Variants in DENND1B observed in about 807,000 individuals in gnomAD.
The protein encoded by DENND1B is DENN domain-containing protein 1B.
A neutral mutation model predicts 90.1 loss-of-function variants in DENND1B; 59 were observed. That is an observed-to-expected ratio of 0.65 (90% CI 0.53 to 0.81). The LOEUF (loss-of-function observed/expected upper bound fraction) is 0.81, where lower values mean the gene tolerates loss of function less well. Ranked by LOEUF, DENND1B falls within the 40% of genes least tolerant of loss-of-function variation. DENND1B has a pLI of 0.00. For missense variants in DENND1B, 862 were observed against 912.6 expected (o/e 0.94, Z 0.71); for synonymous variants, 337 against 324.6 (o/e 1.04, Z -0.41).
chr1:197,761,317 T>C (rs1045189832), intron 2 of DENND1B, among the ~76,000 whole-genome samples: 1 of 152,142 alleles, frequency 6.6e-6, no homozygotes, highest in South Asian at 2.1e-4. Context: ...CTAAATATTA[T>C]ATTACTTCCT....
intron 3 of DENND1B, among the ~76,000 whole-genome samples, chr1:197,685,934 T>A (rs187136972): frequency 6.6e-6 from 1 of 152,324 alleles, no homozygotes; most frequent in Admixed American, 6.5e-5. Flanking sequence ...GCTGAGTTTA[T>A]AAGTGAAGAT....
intron 3 of DENND1B, among the ~76,000 whole-genome samples, chr1:197,696,429 T>C (rs569528066): frequency 1.3e-5 from 2 of 151,642 alleles, no homozygotes; most frequent in East Asian, 3.9e-4. Flanking sequence ...ACATACTAGG[T>C]TGTCAGTATA....
intron 19 of DENND1B, among the ~76,000 whole-genome samples, chr1:197,540,644 A>G (rs564413038): frequency 1.1e-4 from 17 of 152,196 alleles, no homozygotes; most frequent in Non-Finnish European, 1.8e-4. Flanking sequence ...TTTTAAAAAT[A>G]TTCTTAGCAT....
At chr1:197,750,043 C>T (rs926469702) in intron 2 of DENND1B, among the ~76,000 whole-genome samples, 1 of 152,012 alleles carries the variant, frequency 6.6e-6, no homozygotes, top group Non-Finnish European at 1.5e-5. Flanking sequence ...GATGAGGTCT[C>T]GCTATTTTGG....
At chr1:197,581,525 G>A (rs1179447420) in intron 15 of DENND1B, among the ~76,000 whole-genome samples, 2 of 152,290 alleles carry the variant, frequency 1.3e-5, no homozygotes, top group East Asian at 1.9e-4. Flanking sequence ...GTGTACATGT[G>A]TTAATTCACA....
At chr1:197,513,663 A>G (rs1668192586) in intron 20 of DENND1B, among the ~76,000 whole-genome samples, 1 of 151,658 alleles carries the variant, frequency 6.6e-6, no homozygotes, top group African/African-American at 2.4e-5. Flanking sequence ...TAGCAAGTTA[A>G]TAATTTTTCT....
chr1:197,513,847 A>G (rs1353323995), intron 20 of DENND1B, among the ~76,000 whole-genome samples: 1 of 151,544 alleles, frequency 6.6e-6, no homozygotes, highest in Non-Finnish European at 1.5e-5. Context: ...TAAGCCATCC[A>G]TACCCTTTAA....
intron 10 of DENND1B, among the ~76,000 whole-genome samples, chr1:197,632,308 C>A (rs1227324803): frequency 1.3e-5 from 2 of 152,068 alleles, no homozygotes; most frequent in Non-Finnish European, 2.9e-5. Flanking sequence ...CTGTTTATAT[C>A]CCCAGATAGA....
intron 1 of DENND1B, among the ~76,000 whole-genome samples, chr1:197,773,982 T>C (rs142354897): frequency 3.9e-5 from 6 of 152,354 alleles, no homozygotes; most frequent in African/African-American, 1.2e-4. Flanking sequence ...GAAGCTTTTC[T>C]TATAAGATAT....
At chr1:197,617,388 T>G (rs1677750433) in intron 11 of DENND1B, among the ~76,000 whole-genome samples, 1 of 151,072 alleles carries the variant, frequency 6.6e-6, no homozygotes, top group South Asian at 2.1e-4. Flanking sequence ...AACTTAAGAC[T>G]GTTATTTTTT....
chr1:197,581,791 A>G (rs185398848), intron 15 of DENND1B, among the ~76,000 whole-genome samples: 2 of 152,282 alleles, frequency 1.3e-5, no homozygotes, highest in Admixed American at 6.5e-5. Flanking sequence ...TACCCATTCA[A>G]TCCCTAACCC....
intron 15 of DENND1B, among the ~76,000 whole-genome samples, chr1:197,572,546 C>G (rs934659301): frequency 3.5e-4 from 53 of 152,198 alleles, no homozygotes; most frequent in African/African-American, 1.3e-3. Context: ...CCTGACAGCT[C>G]TGAAGGGAGC....
intron 8 of DENND1B, among the ~76,000 whole-genome samples, chr1:197,646,181 T>C (rs1680719243): frequency 6.6e-6 from 1 of 151,862 alleles, no homozygotes; most frequent in South Asian, 2.1e-4. Context: ...GCTAACCAAA[T>C]ATATCAAAAT....
chr1:197,665,633 A>G (rs1447350037), intron 5 of DENND1B, among the ~76,000 whole-genome samples: 1 of 152,102 alleles, frequency 6.6e-6, no homozygotes, highest in Non-Finnish European at 1.5e-5. Flanking sequence ...TATTCTATCA[A>G]TTTGTACTGT....
intron 14 of DENND1B, among the ~76,000 whole-genome samples, chr1:197,591,201 G>A (rs10494760): frequency 0.017 from 2,640 of 152,098 alleles, 82 homozygotes; most frequent in African/African-American, 0.06. Context: ...TTTCGGATTC[G>A]TTTTGTTTAT....
intron 2 of DENND1B, among the ~76,000 whole-genome samples, chr1:197,729,468 T>C (rs1390984571): frequency 1.3e-5 from 2 of 152,170 alleles, no homozygotes; most frequent in South Asian, 4.1e-4. Flanking sequence ...GGTAATATAA[T>C]AAATCAAGTA....
chr1:197,753,710 A>G (rs1334029611), intron 2 of DENND1B, among the ~76,000 whole-genome samples: 2 of 152,090 alleles, frequency 1.3e-5, no homozygotes, highest in African/African-American at 4.8e-5. Flanking sequence ...CTTTAAAAAT[A>G]AAGTCGATGG....
In DENND1B at chr1:197,583,251, A is replaced by T. The variant is rs1674398860; in HGVS notation, c.1050T>A (p.Gly350=). The T allele has an allele frequency of 1.2e-6, 2 of 1,613,614 alleles. No homozygotes were observed. The highest frequency in any genetic ancestry group is 2.2e-5 in the South Asian group (2 of 91,058). The part of the protein sequence containing the change: ...SYRDALRYKP[G]EPITFCEESF... ...TCTCCTCACAGAAAGTGATGGGCTCACCCTAGATAGAAATAAAGATTTTAA... is the reference window on the plus strand; with the variant it reads ...TCTCCTCACAGAAAGTGATGGGCTCTCCCTAGATAGAAATAAAGATTTTAA... Residue 350 remains glycine, a splice_region_variant and synonymous_variant, in exon 15 of 23, where the codon GGT becomes GGA. Transcript: ENST00000620048.
At chr1:197,656,207 G>C (rs528223706) in intron 6 of DENND1B, among the ~76,000 whole-genome samples, 70 of 152,008 alleles carry the variant, frequency 4.6e-4, no homozygotes, top group Non-Finnish European at 7.9e-4. Context: ...ATAGTATCTA[G>C]AGAAAAGAGA....
Sources: gnomAD v4.1 joint callset for allele counts (sites outside exome capture counted in the v4.1 genomes callset) on GRCh38, gnomAD v4.1.1 for gene constraint, MANE v1.5 for transcripts, NCBI Gene and HGNC (gene_info 2026-07-23, HGNC 2026-07-21) for gene names.